The following KLHL26 variants were observed in gnomAD, a reference collection of about 807,000 sequenced individuals.
The protein encoded by KLHL26 is kelch-like protein 26.
Under a neutral mutation model 7.1 loss-of-function variants are expected in KLHL26, and 4 were observed. The observed-to-expected ratio is 0.56, with a 90% CI of 0.28 to 1.28. The LOEUF (loss-of-function observed/expected upper bound fraction) is 1.28, where lower values mean the gene tolerates loss of function less well. Among genes scored for constraint, KLHL26 ranks in the 50% most tolerant of loss-of-function variants. The probability of loss-of-function intolerance (pLI) is 0.11; values close to 1 mark genes in which losing one functional copy is unlikely to be tolerated. For synonymous variants in KLHL26, 465 were observed against 414.1 expected (o/e 1.12, Z -1.49); for missense variants, 896 against 924.6 (o/e 0.97, Z 0.40).
intron 1 of KLHL26, among the ~76,000 whole-genome samples, chr19:18,659,436 C>T (rs1167458781): frequency 2.6e-5 from 4 of 152,332 alleles, no homozygotes; most frequent in Admixed American, 6.5e-5. Flanking sequence ...TGTGCTCCTT[C>T]GAGCCACATG....
chr19:18,669,226 G>T lies in KLHL26; in HGVS notation c.1829G>T (p.Arg610Leu). The change falls in exon 3 of 3, where the codon CGG (arginine) becomes CTG (leucine). Residue 610 changes from arginine (R) to leucine (L), a missense_variant. Arg to Leu is a moderately radical substitution (Grantham distance 102). Transcript: ENST00000300976. The stretch of plus-strand genomic sequence containing the variant: ...GCCTGCGCCCCCGTCCTGCTGCCCC[G>T]GGCCGGGACCAGGAGGTAGCCCCCA... The part of the protein sequence containing the change: ...GIACAPVLLP[R>L]AGTRR The T allele has an allele frequency of 6.2e-7, 1 of 1,610,322 alleles. No individual in the cohort carries two copies. Among genetic ancestry groups the T allele is most frequent in the South Asian group, 1.1e-5 (1 of 91,034 alleles).
chr19:18,653,642 G>A (rs193225126), intron 1 of KLHL26, among the ~76,000 whole-genome samples: 7 of 7,596 alleles, frequency 9.2e-4, no homozygotes, highest in South Asian at 0.018. Context: ...CCATCCACCC[G>A]TCCACCCACC....
Position 18,669,394 on chromosome 19 carries a change from G to C in KLHL26, c.*149G>C. On this transcript the variant is annotated 3_prime_UTR_variant, in exon 3 of 3. Transcript: ENST00000300976. ...GCGTTGATAAGCCCCCCTCCCAGGG[G>C]TCCCTCCCTCCCTCCTTCCCAAAGC... is the stretch of plus-strand genomic sequence containing the variant. 3 of 629,374 alleles carry C rather than the reference G, an allele frequency of 4.8e-6. No individual in the cohort carries two copies. Among genetic ancestry groups the C allele is most frequent in the Non-Finnish European group, 8.3e-6 (3 of 361,898 alleles). The allele number at this position is 629,374 out of a possible 1,614,324, so 39.0% of individuals were successfully genotyped here.
intron 1 of KLHL26, among the ~76,000 whole-genome samples, chr19:18,661,383 CCT>C (rs2052390424): frequency 6.6e-6 from 1 of 152,136 alleles, no homozygotes; most frequent in Non-Finnish European, 1.5e-5. Context: ...GGCAGTAGCT[CCT>C]CTCCTCCCCA....
intron 2 of KLHL26, among the ~76,000 whole-genome samples, chr19:18,666,632 A>G (rs868350033): frequency 7.2e-5 from 11 of 152,196 alleles, no homozygotes; most frequent in East Asian, 1.9e-4. Context: ...TGGGGTCTCA[A>G]TGGAGGCTGG....
intron 1 of KLHL26, among the ~76,000 whole-genome samples, chr19:18,641,679 A>T (rs1976715298): frequency 7.0e-6 from 1 of 143,440 alleles, no homozygotes. Context: ...CCCAGGCTAG[A>T]GTGCAGTGGC....
In KLHL26 at chr19:18,659,517, G is replaced by A. The variant is rs201282293; in HGVS notation, c.84-4744G>A. 6.7e-4 allele frequency among the ~76,000 whole-genome samples: 102 copies of A among 152,370 alleles called. No homozygotes were observed. In the East Asian group the frequency reaches 8.1e-3, roughly 12 times the overall value. The stretch of plus-strand genomic sequence containing the variant: ...TTTGAGGGGAAGTGAGGGACTGCGC[G>A]CGTCAGAACCGCCTATGAGGGGCAA... On this transcript the variant is annotated intron_variant, in intron 1 of 2. Coordinates refer to ENST00000300976, the MANE Select transcript of KLHL26 (RefSeq NM_018316.3).
Position 18,668,729 on chromosome 19 carries a change from C to T in KLHL26, c.1332C>T (p.Cys444=), listed in dbSNP as rs772425891. The part of the protein sequence containing the change: ...CPRRNEWGYA[C]SLKRRTWGHA... ...GGCGCAATGAGTGGGGCTACGCCTGCTCGCTGAAGCGCCGTACCTGGGGCC... is the reference window on the plus strand; with the variant it reads ...GGCGCAATGAGTGGGGCTACGCCTGTTCGCTGAAGCGCCGTACCTGGGGCC... The change falls in exon 3 of 3, where the codon TGC becomes TGT. Residue 444 remains cysteine (C), a synonymous_variant. Transcript: ENST00000300976. The T allele has an allele frequency of 6.3e-7, 1 of 1,578,816 alleles. No individual in the cohort carries two copies. The highest frequency in any genetic ancestry group is 8.6e-7 in the Non-Finnish European group (1 of 1,168,954).
At position 18,650,123 on chromosome 19, in the gene KLHL26, C is replaced by T. The variant is rs1489735265; in HGVS notation, c.83+12986C>T. Among the ~76,000 whole-genome samples the T allele has an allele frequency of 6.6e-6, 1 of 152,118 alleles. No individual in the cohort carries two copies. Among genetic ancestry groups the T allele is most frequent in the Non-Finnish European group, 1.5e-5 (1 of 68,014 alleles). Reference sequence around the variant, plus strand: ...GCCTGGAGGGGGGTCACCCGAGGATCGAGGCCGAAGATGTTTACTGACGCC... The same window carrying T: ...GCCTGGAGGGGGGTCACCCGAGGATTGAGGCCGAAGATGTTTACTGACGCC... On this transcript the variant is annotated intron_variant, in intron 1 of 2. Coordinates refer to ENST00000300976, the MANE Select transcript of KLHL26 (RefSeq NM_018316.3). This position sits in a 1 kb window ranked among gnomAD's most constrained non-coding sequence, Gnocchi z 4.2.
chr19:18,665,106 G>T (rs2052434401), intron 2 of KLHL26, among the ~76,000 whole-genome samples: 1 of 151,352 alleles, frequency 6.6e-6, no homozygotes, highest in Admixed American at 6.6e-5. Flanking sequence ...GCCCAGGCTG[G>T]AGTGCAGTAG....
At chr19:18,644,985 A>AG (rs1976776798) in intron 1 of KLHL26, among the ~76,000 whole-genome samples, 1 of 151,720 alleles carries the variant, frequency 6.6e-6, no homozygotes, top group African/African-American at 2.4e-5. Flanking sequence ...TCTGCAACCG[A>AG]GGGGGAAAAA....
intron 1 of KLHL26, among the ~76,000 whole-genome samples, chr19:18,639,355 C>A (rs4808146): frequency 6.8e-6 from 1 of 147,340 alleles, no homozygotes; most frequent in South Asian, 2.2e-4. Flanking sequence ...GGATTACAGG[C>A]GTGAACTACT....
chr19:18,645,207 C>T (rs149369605), intron 1 of KLHL26, among the ~76,000 whole-genome samples: 12 of 152,238 alleles, frequency 7.9e-5, no homozygotes, highest in African/African-American at 1.4e-4. Context: ...CAGCTCGGGC[C>T]GCGGGGTCTA....
intron 1 of KLHL26, among the ~76,000 whole-genome samples, chr19:18,652,589 CAAA>C (rs5827418): frequency 1.1e-4 from 10 of 87,594 alleles, no homozygotes; most frequent in Non-Finnish European, 1.4e-4. Context: ...GACTCCATCT[CAAA>C]AAAAAAAAAA....
At chr19:18,660,705 T>A (rs962245747) in intron 1 of KLHL26, among the ~76,000 whole-genome samples, 1 of 152,050 alleles carries the variant, frequency 6.6e-6, no homozygotes, top group East Asian at 1.9e-4. Flanking sequence ...CCTCCTGGCC[T>A]CCTCCCTCCT....
chr19:18,657,594 G>GTCCCTCTC (rs1269031453), intron 1 of KLHL26, among the ~76,000 whole-genome samples: 7 of 151,934 alleles, frequency 4.6e-5, no homozygotes, highest in Non-Finnish European at 8.8e-5. Context: ...CTGTCCCTCT[G>GTCCCTCTC]TCCCAGTCTC....
rs182634340 is a variant in KLHL26 at position 18,658,067 on chromosome 19, G to A, written c.84-6194G>A. On this transcript the variant is annotated intron_variant, in intron 1 of 2. Transcript: ENST00000300976. ...TTTGCACCTTTTACCCTCGAGGCAC[G>A]TGCCCAAGAGCCAGTGAGGACTGCA... Among the ~76,000 whole-genome samples the A allele has an allele frequency of 2.5e-3, 371 of 150,710 alleles. 3 individuals are homozygous for A. Among genetic ancestry groups the A allele is most frequent in the African/African-American group, 8.5e-3 (347 of 40,910 alleles).
intron 1 of KLHL26, among the ~76,000 whole-genome samples, chr19:18,653,416 C>G (rs1196767298): frequency 7.6e-6 from 1 of 131,482 alleles, no homozygotes; most frequent in Non-Finnish European, 1.6e-5. Flanking sequence ...CCCTATCCAC[C>G]CATCTTTTCA....
At chr19:18,662,347 C>T (rs2052399864) in intron 1 of KLHL26, among the ~76,000 whole-genome samples, 1 of 152,216 alleles carries the variant, frequency 6.6e-6, no homozygotes, top group Non-Finnish European at 1.5e-5. Context: ...GCAGGGGTCA[C>T]CCAGAGCCCG....
Sources: allele counts gnomAD v4.1 joint callset (sites outside exome capture counted in the v4.1 genomes callset), GRCh38; gene constraint gnomAD v4.1.1; non-coding constraint Gnocchi (gnomAD v3.1); transcripts MANE v1.5; gene names NCBI Gene and HGNC (gene_info 2026-07-23, HGNC 2026-07-21).